Variants in EBF1 observed in about 807,000 individuals in gnomAD.
The protein encoded by EBF1 is transcription factor COE1.
A neutral mutation model predicts 68.4 loss-of-function variants in EBF1; 10 were observed. The observed-to-expected ratio is 0.15, with a 90% CI of 0.09 to 0.25. The LOEUF is 0.25. Among genes scored for constraint, EBF1 ranks in the 10% least tolerant of loss-of-function variants. EBF1 has a pLI of 1.00. For synonymous variants in EBF1, 298 were observed against 299.8 expected (o/e 0.99, Z 0.06); for missense variants, 509 against 794.4 (o/e 0.64, Z 4.32).
chr5:158,852,046 A>AGGGAGGGAAGGGGAGGGGAAGGGT (rs1562118966), intron 6 of EBF1, among the ~76,000 whole-genome samples: 1 of 17,250 alleles, frequency 5.8e-5, no homozygotes, highest in Admixed American at 8.0e-4. Flanking sequence ...TGGGGAGGGG[A>AGGGAGGGAAGGGGAGGGGAAGGGT]GGAGAGGGGA....
chr5:158,746,944 C>T (rs1031795502), intron 10 of EBF1, among the ~76,000 whole-genome samples: 4 of 152,176 alleles, frequency 2.6e-5, no homozygotes, highest in Non-Finnish European at 4.4e-5. Context: ...TACTGGATTG[C>T]ATTTTTCAAA....
intron 10 of EBF1, among the ~76,000 whole-genome samples, chr5:158,744,575 C>A (rs1370196483): frequency 6.6e-6 from 1 of 152,104 alleles, no homozygotes; most frequent in Admixed American, 6.5e-5. Flanking sequence ...ATGCTTTAAT[C>A]CTAAAGTTCT....
intron 6 of EBF1, among the ~76,000 whole-genome samples, chr5:158,962,346 G>A (rs1009792077): frequency 1.3e-5 from 2 of 152,080 alleles, no homozygotes; most frequent in African/African-American, 2.4e-5. Context: ...ATAATGAAGT[G>A]AAGCTGCCAA....
In EBF1 at chr5:159,019,951, G is replaced by A. The variant is rs1185385826; in HGVS notation, c.554+53445C>T. Among the ~76,000 whole-genome samples, 3 of 151,902 alleles carry A rather than the reference G, an allele frequency of 2.0e-5. No individual in the cohort carries two copies. The East Asian group carries it at 5.8e-4, about 29-fold the overall frequency. ...AAGCAAGAAGTTTCCATTAAGCTAA[G>A]GATAAAAAAGAACCCCTAGGAACAA... On this transcript the variant is annotated intron_variant, in intron 6 of 15. Coordinates refer to ENST00000313708, the MANE Select transcript of EBF1 (RefSeq NM_024007.5).
chr5:159,014,585 A>G (rs1252226262), intron 6 of EBF1, among the ~76,000 whole-genome samples: 1 of 152,244 alleles, frequency 6.6e-6, no homozygotes, highest in African/African-American at 2.4e-5. Flanking sequence ...CACTATGGTG[A>G]CAAGGTCTAT....
At chr5:158,740,237 G>A (rs1766032282) in intron 10 of EBF1, among the ~76,000 whole-genome samples, 1 of 152,180 alleles carries the variant, frequency 6.6e-6, no homozygotes, top group Admixed American at 6.6e-5. Flanking sequence ...CTCAGCAGGG[G>A]ACAGCACCGA....
At chr5:158,853,409 T>G (rs1441163956) in intron 6 of EBF1, among the ~76,000 whole-genome samples, 2 of 152,204 alleles carry the variant, frequency 1.3e-5, no homozygotes, top group Admixed American at 6.5e-5. Context: ...AAAAAAGAGA[T>G]GGAATTTCCA....
intron 6 of EBF1, among the ~76,000 whole-genome samples, chr5:158,841,338 G>A (rs557464524): frequency 5.3e-5 from 8 of 152,136 alleles, no homozygotes; most frequent in Non-Finnish European, 1.2e-4. Context: ...TCTACCACCT[G>A]TAATTAAACC....
At chr5:158,855,665 T>C (rs1793852176) in intron 6 of EBF1, among the ~76,000 whole-genome samples, 1 of 152,224 alleles carries the variant, frequency 6.6e-6, no homozygotes, top group Non-Finnish European at 1.5e-5. Flanking sequence ...ATTACGGTGC[T>C]TGGCATCTGG....
chr5:159,072,734 G>A (rs1778044452), intron 6 of EBF1, among the ~76,000 whole-genome samples: 1 of 152,186 alleles, frequency 6.6e-6, no homozygotes, highest in African/African-American at 2.4e-5. Context: ...CGTGCACACT[G>A]ACTCAAAATT....
chr5:158,941,253 CA>C (rs1301846615), intron 6 of EBF1: 2 of 455,836 alleles, frequency 4.4e-6, no homozygotes, highest in Admixed American at 2.4e-5. Context: ...GGGTTAGACC[CA>C]AACAATGCAG....
chr5:159,052,592 G>T (rs557448453), intron 6 of EBF1, among the ~76,000 whole-genome samples: 1 of 152,062 alleles, frequency 6.6e-6, no homozygotes, highest in Non-Finnish European at 1.5e-5. Context: ...TTTCTCCCTC[G>T]CTCTCAGAGG....
intron 4 of EBF1, among the ~76,000 whole-genome samples, chr5:159,092,320 G>A (rs1423930018): frequency 1.3e-5 from 2 of 152,150 alleles, no homozygotes; most frequent in African/African-American, 4.8e-5. Context: ...CTTCCCAAAA[G>A]CAAGCCTCTT....
At chr5:158,772,398 G>A (rs1561880166) in intron 10 of EBF1, among the ~76,000 whole-genome samples, 3 of 152,118 alleles carry the variant, frequency 2.0e-5, no homozygotes, top group Non-Finnish European at 4.4e-5. Context: ...GTGATAGGCT[G>A]TACTCCTGTT....
chr5:159,070,736 G>C (rs1024022728), intron 6 of EBF1, among the ~76,000 whole-genome samples: 1 of 152,178 alleles, frequency 6.6e-6, no homozygotes, highest in Non-Finnish European at 1.5e-5. Context: ...CGCAAGGATG[G>C]CCTGTACCCT....
chr5:158,824,088 C>T (rs1358021077), intron 7 of EBF1, among the ~76,000 whole-genome samples: 4 of 152,288 alleles, frequency 2.6e-5, no homozygotes, highest in South Asian at 2.1e-4. Flanking sequence ...AAATGACCTA[C>T]GCTTCTCCTT....
chr5:159,053,571 T>C (rs924354671), intron 6 of EBF1, among the ~76,000 whole-genome samples: 4 of 151,426 alleles, frequency 2.6e-5, no homozygotes, highest in Non-Finnish European at 4.4e-5. Context: ...TGGCATTGGG[T>C]ATTTTAACCC....
intron 6 of EBF1, among the ~76,000 whole-genome samples, chr5:159,035,946 T>G (rs1769965093): frequency 6.6e-6 from 1 of 152,126 alleles, no homozygotes; most frequent in Non-Finnish European, 1.5e-5. Context: ...CCCCAAAGAT[T>G]TAAAAGGGAA....
chr5:158,924,119 G>A (rs2127414238), intron 6 of EBF1, among the ~76,000 whole-genome samples: 1 of 152,240 alleles, frequency 6.6e-6, no homozygotes, highest in South Asian at 2.1e-4. Context: ...TTCCACTCCT[G>A]GGTTCACCCT....
Sources: allele counts gnomAD v4.1 joint callset (sites outside exome capture counted in the v4.1 genomes callset), GRCh38; gene constraint gnomAD v4.1.1; transcripts MANE v1.5; gene names NCBI Gene and HGNC (gene_info 2026-07-23, HGNC 2026-07-21).